Variants in DNAH7 observed in about 807,000 individuals in gnomAD.
DNAH7 encodes axonemal beta dynein heavy chain 7.
In DNAH7, 397 loss-of-function variants were observed where a neutral mutation model predicts 444.6. The ratio of observed to expected loss-of-function variants is 0.89; its 90% confidence interval spans 0.82 to 0.97. DNAH7 has a LOEUF of 0.97. Among genes scored for constraint, DNAH7 ranks in the 50% least tolerant of loss-of-function variants. The pLI, the probability that DNAH7 is intolerant of heterozygous loss-of-function variation, is 0.00. For missense variants in DNAH7, 4,902 were observed against 4,800.8 expected (o/e 1.02, Z -0.62); for synonymous variants, 1,636 against 1,624.4 (o/e 1.01, Z -0.17).
intron 35 of DNAH7, among the ~76,000 whole-genome samples, chr2:195,883,026 C>T (rs988835725): frequency 1.4e-4 from 21 of 152,166 alleles, no homozygotes; most frequent in African/African-American, 5.1e-4. Flanking sequence ...AAATTCACAT[C>T]ACTCTGAAAA....
At chr2:195,952,336 C>T (rs977414762) in intron 19 of DNAH7, among the ~76,000 whole-genome samples, 7 of 152,028 alleles carry the variant, frequency 4.6e-5, no homozygotes, top group Admixed American at 3.3e-4. Flanking sequence ...GTGGGTAACC[C>T]GACCTTTCTG....
intron 5 of DNAH7, among the ~76,000 whole-genome samples, chr2:196,034,238 G>C (rs1335561344): frequency 6.6e-6 from 1 of 152,042 alleles, no homozygotes; most frequent in Non-Finnish European, 1.5e-5. Flanking sequence ...AAAATCAATT[G>C]ATTTTTCTAT....
chr2:196,051,230 T>A lies in DNAH7; in HGVS notation c.98A>T (p.Glu33Val). 1 of 1,613,954 alleles carries A rather than the reference T, an allele frequency of 6.2e-7. No individual in the cohort carries two copies. Among genetic ancestry groups the A allele is most frequent in the Non-Finnish European group, 8.5e-7 (1 of 1,179,898 alleles). The change falls in exon 3 of 65, where the codon GAA becomes GTA. Residue 33 changes from glutamate (E) to valine (V), a missense_variant. Physicochemically the swap from Glu to Val is moderately radical, Grantham distance 121. Transcript: ENST00000312428. ...QLSMEKLASK[E>V]KFKAPARALP... ...AGCTCTTGCTGGTGCCTTGAACTTTTCTTTGCTGGCTAATTTCTCCTGTGT... is the reference window on the plus strand; with the variant it reads ...AGCTCTTGCTGGTGCCTTGAACTTTACTTTGCTGGCTAATTTCTCCTGTGT...
chr2:195,838,813 T>G (rs1698522426), intron 47 of DNAH7, among the ~76,000 whole-genome samples: 1 of 151,738 alleles, frequency 6.6e-6, no homozygotes, highest in Non-Finnish European at 1.5e-5. Flanking sequence ...AAAATAGACT[T>G]CAGAACAAGA....
At chr2:195,783,617 T>C (rs1695488618) in intron 58 of DNAH7, among the ~76,000 whole-genome samples, 1 of 152,024 alleles carries the variant, frequency 6.6e-6, no homozygotes, top group Non-Finnish European at 1.5e-5. Context: ...TTAACTTAAC[T>C]AGTTACACTC....
At chr2:195,957,582 GTATATAATGTTATA>G in intron 18 of DNAH7, 135 bp from the exon 19 acceptor site, 1 of 442,584 alleles carries the variant, frequency 2.3e-6, no homozygotes, top group Non-Finnish European at 4.0e-6. Context: ...ATACAATCTT[GTATATAATGTTATA>G]CAATTGTTAT....
chr2:195,799,292 G>T lies in DNAH7; in HGVS notation c.10353+4C>A, dbSNP rs756653153. 7 of 1,568,176 alleles carry T rather than the reference G, an allele frequency of 4.5e-6. No individual in the cohort carries two copies. Among genetic ancestry groups the T allele is most frequent in the Non-Finnish European group, 4.3e-6 (5 of 1,158,500 alleles). On this transcript the variant is annotated splice_donor_region_variant and intron_variant, in intron 55 of 64. Coordinates refer to ENST00000312428, the MANE Select transcript of DNAH7 (RefSeq NM_018897.3). ...ATCCGATAACTTCATCTATTGTAAG[G>T]TACCTGGTCATCAGCAAATTTTAGA... is the stretch of plus-strand genomic sequence containing the variant.
intron 5 of DNAH7, among the ~76,000 whole-genome samples, chr2:196,043,650 G>T (rs746596086): frequency 2.0e-5 from 3 of 151,522 alleles, no homozygotes. Context: ...GAATAAATTC[G>T]CAAACTATGC....
chr2:195,950,173 GA>G (rs1269436545), intron 19 of DNAH7, among the ~76,000 whole-genome samples: 1 of 152,156 alleles, frequency 6.6e-6, no homozygotes, highest in Non-Finnish European at 1.5e-5. Context: ...GTTTCAAAAG[GA>G]ATGGTGCCAG....
chr2:195,976,743 C>CAGAGAGAGAG (rs1692212889), intron 15 of DNAH7, among the ~76,000 whole-genome samples: 6 of 18,350 alleles, frequency 3.3e-4, no homozygotes, highest in Non-Finnish European at 8.8e-4. Context: ...GACAGAGAGG[C>CAGAGAGAGAG]AGACAGAGAG....
At chr2:195,919,211 C>T (rs1257995846) in intron 24 of DNAH7, among the ~76,000 whole-genome samples, 1 of 146,168 alleles carries the variant, frequency 6.8e-6, no homozygotes, top group Non-Finnish European at 1.5e-5. Flanking sequence ...GATCACGCAG[C>T]CTGGAGACAG....
In DNAH7 at chr2:195,976,603, C is replaced by T. The variant is rs1040673406; in HGVS notation, c.1834-4137G>A. ...CAGGCAGTAGCAAGTAAGAGGTTAC[C>T]ATGGGCCTTAAATGAGAACCAGTGT... On this transcript the variant is annotated intron_variant, in intron 15 of 64. Transcript: ENST00000312428. Among the ~76,000 whole-genome samples the T allele has an allele frequency of 4.6e-5, 7 of 152,184 alleles. No individual in the cohort carries two copies. In the South Asian group the frequency reaches 8.3e-4, roughly 18 times the overall value.
At chr2:195,798,161 A>C (rs958411527) in intron 55 of DNAH7, among the ~76,000 whole-genome samples, 1 of 151,950 alleles carries the variant, frequency 6.6e-6, no homozygotes, top group Non-Finnish European at 1.5e-5. Context: ...TTTTTGGCCT[A>C]GTAAATTTTT....
intron 2 of DNAH7, among the ~76,000 whole-genome samples, chr2:196,051,585 G>A (rs1296564073): frequency 6.6e-6 from 1 of 152,060 alleles, no homozygotes; most frequent in Non-Finnish European, 1.5e-5. Flanking sequence ...GGCTAACATG[G>A]TGAAACCCCG....
intron 8 of DNAH7, 124 bp from the exon 9 acceptor site, chr2:196,019,419 AAAC>A: frequency 1.5e-6 from 1 of 678,808 alleles, no homozygotes; most frequent in East Asian, 3.4e-5. Flanking sequence ...CATAATAACA[AAAC>A]AAGCAATTAT....
At chr2:195,852,915 CAGAGAGAGAG>C (rs201538951) in intron 46 of DNAH7, among the ~76,000 whole-genome samples, 1,468 of 84,656 alleles carry the variant, frequency 0.017, 35 homozygotes, top group African/African-American at 0.045. Context: ...CACACACACA[CAGAGAGAGAG>C]AGAGAGAGAG....
chr2:195,873,727 TTAC>T, intron 38 of DNAH7, 33 bp from the exon 39 acceptor site: 2 of 1,461,892 alleles, frequency 1.4e-6, no homozygotes, highest in Non-Finnish European at 1.8e-6. Context: ...CTTAATAATG[TTAC>T]TAGTATATAC....
intron 36 of DNAH7, among the ~76,000 whole-genome samples, chr2:195,879,374 C>T (rs777876445): frequency 1.3e-5 from 2 of 152,028 alleles, no homozygotes; most frequent in Non-Finnish European, 2.9e-5. Context: ...GTATTGCTTA[C>T]GTCATATATA....
At chr2:195,985,231 C>G (rs1692827154) in intron 14 of DNAH7, among the ~76,000 whole-genome samples, 2 of 152,066 alleles carry the variant, frequency 1.3e-5, no homozygotes, top group Non-Finnish European at 2.9e-5. Flanking sequence ...GTAGCAAGAG[C>G]TAAGGGAGTT....
Sources: gnomAD v4.1 joint callset for allele counts (sites outside exome capture counted in the v4.1 genomes callset) on GRCh38, gnomAD v4.1.1 for gene constraint, MANE v1.5 for transcripts, NCBI Gene and HGNC (gene_info 2026-07-23, HGNC 2026-07-21) for gene names.